The following WWOX variants were observed in gnomAD, a reference collection of about 807,000 sequenced individuals.
WWOX encodes WW domain-containing oxidoreductase.
WWOX carries 69 observed loss-of-function variants against 46.2 expected under a neutral mutation model. The ratio of observed to expected loss-of-function variants is 1.49; its 90% CI spans 1.23 to 1.82. The LOEUF is 1.82. WWOX is among the 40% of genes most tolerant of loss of function. The pLI is 0.00. For synonymous variants in WWOX, 359 were observed against 202.6 expected (o/e 1.77, Z -6.56); for missense variants, 919 against 542.6 (o/e 1.69, Z -6.89).
At position 78,702,007 on chromosome 16, in the gene WWOX, TTATATATATATATATATATATATA is replaced by T. The variant is rs869227421; in HGVS notation, c.1056+269270_1056+269293del. 7.5e-4 allele frequency among the ~76,000 whole-genome samples: 43 copies of T among 57,626 alleles called. 3 individuals are homozygous for T. The highest frequency in any genetic ancestry group is 2.6e-3 in the African/African-American group (40 of 15,284). The allele number at this position is 57,626 out of a possible 152,430, so 37.8% of individuals were successfully genotyped here. ...GGAGACTAGCCTGGGCTACATAAAA[TTATATATATATATATATATATATA>T]TATATATATATATAAAATAATGCAG... is the stretch of plus-strand genomic sequence containing the variant. On this transcript the variant is annotated intron_variant, in intron 8 of 8. Coordinates refer to ENST00000566780, the MANE Select transcript of WWOX (RefSeq NM_016373.4).
chr16:78,145,070 A>G (rs1344616520), intron 4 of WWOX, among the ~76,000 whole-genome samples: 2 of 152,098 alleles, frequency 1.3e-5, no homozygotes, highest in Non-Finnish European at 2.9e-5. Context: ...AAACAACAAA[A>G]TTTATTGTCT....
intron 8 of WWOX, among the ~76,000 whole-genome samples, chr16:78,827,969 C>G: frequency 6.6e-6 from 1 of 152,156 alleles, no homozygotes; most frequent in Non-Finnish European, 1.5e-5. Context: ...TGACTGGGGA[C>G]AGAGTTGCTG....
intron 8 of WWOX, among the ~76,000 whole-genome samples, chr16:79,133,097 G>C (rs2049913577): frequency 6.6e-6 from 1 of 152,190 alleles, no homozygotes; most frequent in Admixed American, 6.5e-5. Flanking sequence ...GTTGTTTCTA[G>C]TTTCTTCGTC....
intron 8 of WWOX, chr16:78,825,655 T>G (rs1222846136): frequency 1.3e-5 from 7 of 522,670 alleles, no homozygotes; most frequent in African/African-American, 1.9e-5. Context: ...TGGTTCATCA[T>G]GAATAGGGGG....
chr16:78,765,416 T>A (rs991682051), intron 8 of WWOX, among the ~76,000 whole-genome samples: 4 of 152,164 alleles, frequency 2.6e-5, no homozygotes, highest in African/African-American at 9.7e-5. Flanking sequence ...CGGTGGCTCA[T>A]ACTTATAATC....
At chr16:78,401,818 G>A (rs560776679) in intron 6 of WWOX, among the ~76,000 whole-genome samples, 2 of 152,172 alleles carry the variant, frequency 1.3e-5, no homozygotes, top group South Asian at 4.2e-4. Flanking sequence ...TCCTGCCTCA[G>A]CCTACTGAGT....
intron 8 of WWOX, among the ~76,000 whole-genome samples, chr16:78,597,754 A>T (rs1357932733): frequency 1.5e-5 from 1 of 67,444 alleles, no homozygotes; most frequent in Admixed American, 1.6e-4. Flanking sequence ...GAGTTTATTT[A>T]TATGTGTATA....
chr16:78,202,589 T>C (rs960498022), intron 5 of WWOX, among the ~76,000 whole-genome samples: 1 of 152,218 alleles, frequency 6.6e-6, no homozygotes, highest in African/African-American at 2.4e-5. Context: ...TAAGTGCATG[T>C]ATTTCAGCTT....
At chr16:78,766,647 T>C (rs1719670215) in intron 8 of WWOX, among the ~76,000 whole-genome samples, 1 of 152,170 alleles carries the variant, frequency 6.6e-6, no homozygotes, top group Admixed American at 6.5e-5. Flanking sequence ...TCTCCAAAGT[T>C]TTTAAGACAA....
intron 5 of WWOX, among the ~76,000 whole-genome samples, chr16:78,185,312 A>G (rs1043439038): frequency 5.3e-5 from 8 of 152,186 alleles, no homozygotes; most frequent in African/African-American, 1.7e-4. Context: ...AGAATATAGA[A>G]CAGGCGTCAA....
chr16:78,134,234 A>T (rs2033711193), intron 4 of WWOX, among the ~76,000 whole-genome samples: 1 of 152,212 alleles, frequency 6.6e-6, no homozygotes, highest in Non-Finnish European at 1.5e-5. Context: ...GCTATCTGCT[A>T]TTATTGATAG....
chr16:78,311,326 A>G (rs1270029479), intron 5 of WWOX, among the ~76,000 whole-genome samples: 3 of 152,322 alleles, frequency 2.0e-5, no homozygotes, highest in East Asian at 1.9e-4. Flanking sequence ...CATCTAAGCA[A>G]TGAACACTTA....
intron 8 of WWOX, among the ~76,000 whole-genome samples, chr16:78,499,135 C>T (rs12935142): frequency 0.32 from 48,569 of 152,004 alleles, 9,701 homozygotes; most frequent in Middle Eastern, 0.45. Flanking sequence ...ACCATGTGGG[C>T]CCTTCTCTTT....
intron 5 of WWOX, among the ~76,000 whole-genome samples, chr16:78,216,569 G>T (rs13336080): frequency 0.15 from 23,427 of 151,870 alleles, 2,075 homozygotes; most frequent in Non-Finnish European, 0.2. Context: ...ACATTCCTCT[G>T]CTATGGCCTC....
At chr16:78,999,660 C>G (rs528041167) in intron 8 of WWOX, among the ~76,000 whole-genome samples, 15 of 152,014 alleles carry the variant, frequency 9.9e-5, no homozygotes, top group African/African-American at 2.2e-4. Context: ...ATTGTATGCA[C>G]CAGAGTGATT....
At chr16:78,809,619 C>G (rs2293894) in intron 8 of WWOX, among the ~76,000 whole-genome samples, 25,684 of 152,044 alleles carry the variant, frequency 0.17, 2,307 homozygotes, top group South Asian at 0.2. Flanking sequence ...TTCAGAAACT[C>G]CAGAAATTTA....
chr16:78,118,657 G>T (rs966002783), intron 4 of WWOX, among the ~76,000 whole-genome samples: 1 of 152,064 alleles, frequency 6.6e-6, no homozygotes, highest in African/African-American at 2.4e-5. Context: ...CATCTAGCTC[G>T]CAAAACTGTA....
chr16:78,987,919 CT>C (rs1324631625), intron 8 of WWOX, among the ~76,000 whole-genome samples: 1 of 152,158 alleles, frequency 6.6e-6, no homozygotes, highest in Non-Finnish European at 1.5e-5. Flanking sequence ...CGTCATGTCC[CT>C]TCTGTATCCA....
intron 4 of WWOX, among the ~76,000 whole-genome samples, chr16:78,139,303 G>A (rs979604463): frequency 9.9e-5 from 15 of 152,170 alleles, no homozygotes; most frequent in South Asian, 2.1e-4. Context: ...TGTCGGGGGT[G>A]GGGTTGGCGA....
Sources: allele counts gnomAD v4.1 joint callset (sites outside exome capture counted in the v4.1 genomes callset), GRCh38; gene constraint gnomAD v4.1.1; transcripts MANE v1.5; gene names NCBI Gene and HGNC (gene_info 2026-07-23, HGNC 2026-07-21).